Variants in CTNNA3 observed in about 807,000 individuals in gnomAD.
CTNNA3 encodes the protein catenin alpha 3.
CTNNA3 carries 76 observed loss-of-function variants against 95.7 expected under a neutral mutation model. The ratio of observed to expected loss-of-function variants is 0.79; its 90% CI spans 0.66 to 0.96. The LOEUF is 0.96. CTNNA3 is among the 40% of genes least tolerant of loss of function. The pLI, the probability that CTNNA3 is intolerant of heterozygous loss-of-function variation, is 0.00. For synonymous variants in CTNNA3, 431 were observed against 374.4 expected, an observed-to-expected ratio of 1.15 and a Z score of -1.74; for missense variants, 1,191 against 1,089.8, an observed-to-expected ratio of 1.09 and a Z score of -1.31.
At chr10:65,964,945 G>T (rs2077925667) in intron 17 of CTNNA3, among the ~76,000 whole-genome samples, 1 of 152,082 alleles carries the variant, frequency 6.6e-6, no homozygotes, top group Admixed American at 6.6e-5. Flanking sequence ...GTATGCATAT[G>T]TGTCTATACA....
chr10:66,379,266 T>A lies in CTNNA3; in HGVS notation c.1618A>T (p.Ile540Phe). 1.2e-6 allele frequency: 2 copies of A among 1,614,140 alleles called. No individual in the cohort carries two copies. Among genetic ancestry groups the A allele is most frequent in the Non-Finnish European group, 1.7e-6 (2 of 1,179,968 alleles). ...ADNLDRAAGA[I>F]RGRAARVAHI... ...GCAACTCTTGCTGCCCGGCCTCTGA[T>A]AGCACCCGCAGCACGGTCTAAATTA... is the stretch of plus-strand genomic sequence containing the variant. Residue 540 changes from isoleucine to phenylalanine, a missense_variant, in exon 12 of 18, where the codon ATC (isoleucine) becomes TTC (phenylalanine). By Grantham distance (21) the Ile-to-Phe change is conservative. Coordinates refer to ENST00000433211, the MANE Select transcript of CTNNA3 (RefSeq NM_013266.4).
At chr10:66,552,415 C>A (rs1842248457) in intron 10 of CTNNA3, among the ~76,000 whole-genome samples, 1 of 152,156 alleles carries the variant, frequency 6.6e-6, no homozygotes, top group Admixed American at 6.5e-5. Flanking sequence ...CAAACACACA[C>A]ATGCACACAA....
chr10:66,990,105 GT>G (rs1399554364), intron 7 of CTNNA3, among the ~76,000 whole-genome samples: 1 of 152,150 alleles, frequency 6.6e-6, no homozygotes, highest in Non-Finnish European at 1.5e-5. Context: ...TTCTTTAAGA[GT>G]TTATACTCAA....
intron 16 of CTNNA3, among the ~76,000 whole-genome samples, chr10:65,967,608 C>A (rs1195167095): frequency 6.6e-6 from 1 of 152,160 alleles, no homozygotes; most frequent in Non-Finnish European, 1.5e-5. Flanking sequence ...CAACTGAAGC[C>A]AAGAAACAGA....
chr10:67,722,612 C>T (rs927063735), intron 1 of CTNNA3, among the ~76,000 whole-genome samples: 1 of 152,118 alleles, frequency 6.6e-6, no homozygotes, highest in Non-Finnish European at 1.5e-5. Context: ...AAACAAATCA[C>T]GGCAAAGACA....
chr10:67,389,283 T>G (rs1304041650), intron 5 of CTNNA3, among the ~76,000 whole-genome samples: 2 of 151,080 alleles, frequency 1.3e-5, no homozygotes. Context: ...AAAACAGACT[T>G]TAAACCAACA....
intron 13 of CTNNA3, among the ~76,000 whole-genome samples, chr10:66,224,449 ATAATAT>A (rs2089153555): frequency 6.6e-6 from 1 of 152,212 alleles, no homozygotes; most frequent in Non-Finnish European, 1.5e-5. Context: ...GAAATGTCAT[ATAATAT>A]TATATTGCTT....
At position 67,466,226 on chromosome 10, in the gene CTNNA3, A is replaced by C. The variant is rs1847589471; in HGVS notation, c.579+55616T>G. ...TGTGATGCTTTATTAATGGTATCTC[A>C]TAGGGGAAATATGCCCAGATTCTTT... is the stretch of plus-strand genomic sequence containing the variant. On this transcript the variant is annotated intron_variant, in intron 5 of 17. Coordinates refer to ENST00000433211, the MANE Select transcript of CTNNA3 (RefSeq NM_013266.4). 1.3e-5 allele frequency among the ~76,000 whole-genome samples: 2 copies of C among 152,194 alleles called. 1 individual carries two copies. The highest frequency in any genetic ancestry group is 2.9e-5 in the Non-Finnish European group (2 of 68,014).
intron 11 of CTNNA3, among the ~76,000 whole-genome samples, chr10:66,484,900 T>C (rs558423940): frequency 2.0e-4 from 30 of 152,210 alleles, no homozygotes; most frequent in Admixed American, 9.2e-4. Context: ...GTGGGGTTTA[T>C]CCCTGGGATG....
chr10:66,920,412 A>T (rs1846729192), intron 7 of CTNNA3, among the ~76,000 whole-genome samples: 1 of 152,166 alleles, frequency 6.6e-6, no homozygotes, highest in Middle Eastern at 3.2e-3. Flanking sequence ...ATGTTTCCTT[A>T]CCTAGTCTTT....
chr10:66,206,716 G>T (rs1274676948), intron 13 of CTNNA3, among the ~76,000 whole-genome samples: 1 of 151,808 alleles, frequency 6.6e-6, no homozygotes, highest in Non-Finnish European at 1.5e-5. Flanking sequence ...TCATTAAACT[G>T]GCCAATTAAG....
intron 12 of CTNNA3, among the ~76,000 whole-genome samples, chr10:66,290,367 G>A (rs1360838743): frequency 1.3e-5 from 2 of 152,000 alleles, no homozygotes; most frequent in African/African-American, 4.8e-5. Flanking sequence ...TGAGGTCCAG[G>A]CAAAAATGAA....
intron 9 of CTNNA3, among the ~76,000 whole-genome samples, chr10:66,744,089 C>T (rs1199707895): frequency 6.6e-6 from 1 of 150,646 alleles, no homozygotes; most frequent in Non-Finnish European, 1.5e-5. Context: ...AAGAAACTGA[C>T]TACTATGACA....
At chr10:67,454,573 G>A (rs80326311) in intron 5 of CTNNA3, among the ~76,000 whole-genome samples, 4,534 of 152,134 alleles carry the variant, frequency 0.03, 219 homozygotes, top group African/African-American at 0.098. Flanking sequence ...TGCTGGCCTC[G>A]CATCAAAAGT....
chr10:67,545,038 T>G (rs982399498), intron 3 of CTNNA3, among the ~76,000 whole-genome samples: 1 of 150,694 alleles, frequency 6.6e-6, no homozygotes, highest in African/African-American at 2.5e-5. Flanking sequence ...ATTGGGCTGA[T>G]TCTATTAAAA....
chr10:67,301,986 A>AGAAAGAAC lies in CTNNA3; in HGVS notation c.580-82124_580-82117dup, dbSNP rs1377628891. 3.1e-3 allele frequency among the ~76,000 whole-genome samples: 266 copies of AGAAAGAAC among 86,840 alleles called. 21 individuals carry two copies. The highest frequency in any genetic ancestry group is 0.01 in the Middle Eastern group (2 of 194). The allele number at this position is 86,840 out of a possible 152,430, so 57.0% of individuals were successfully genotyped here. A position where few individuals can be genotyped will look rare whatever the true frequency, so the allele number is the denominator to read the frequency against. On this transcript the variant is annotated intron_variant, in intron 5 of 17. Coordinates refer to ENST00000433211, the MANE Select transcript of CTNNA3 (RefSeq NM_013266.4). ...TCGTCAAGAAAGAAAAAAGAAAGAAAGAAAGAACGAAAGAACGAAAGAAAG... is the reference window on the plus strand; with the variant it reads ...TCGTCAAGAAAGAAAAAAGAAAGAAAGAAAGAACGAAAGAACGAAAGAACGAAAGAAAG...
chr10:67,632,533 A>G (rs1007286297), intron 2 of CTNNA3, among the ~76,000 whole-genome samples: 3 of 152,150 alleles, frequency 2.0e-5, no homozygotes, highest in Non-Finnish European at 4.4e-5. Flanking sequence ...ACCCACGAAG[A>G]ACAAAGAAAA....
rs207471101 is a variant in CTNNA3 at position 66,047,453 on chromosome 10, T to G, written c.2159+21855A>C. Among the ~76,000 whole-genome samples, 10 of 152,108 alleles carry G rather than the reference T, an allele frequency of 6.6e-5. No homozygotes were observed. In the East Asian group the frequency reaches 1.9e-3, roughly 29 times the overall value. ...ACCCTTTCATGTTAAAAACTCTCCA[T>G]AAACCAGATATTGAAGGAACCTACC... On this transcript the variant is annotated intron_variant, in intron 15 of 17. Coordinates refer to ENST00000433211, the MANE Select transcript of CTNNA3 (RefSeq NM_013266.4).
intron 10 of CTNNA3, among the ~76,000 whole-genome samples, chr10:66,547,095 T>C (rs1357660194): frequency 6.6e-6 from 1 of 152,072 alleles, no homozygotes; most frequent in African/African-American, 2.4e-5. Context: ...AGCTACTCTC[T>C]TGCACATATT....
Sources: allele counts gnomAD v4.1 joint callset (sites outside exome capture counted in the v4.1 genomes callset), GRCh38; gene constraint gnomAD v4.1.1; transcripts MANE v1.5; gene names NCBI Gene and HGNC (gene_info 2026-07-23, HGNC 2026-07-21).